Variants in RPTOR observed in about 807,000 individuals in gnomAD.
The protein encoded by RPTOR is regulatory associated protein of MTOR complex 1.
In RPTOR, 21 loss-of-function variants were observed where a neutral mutation model predicts 169.9. The ratio of observed to expected loss-of-function variants is 0.12; its 90% confidence interval spans 0.09 to 0.18. The LOEUF is 0.18. RPTOR is among the 10% of genes least tolerant of loss of function. RPTOR has a pLI of 1.00. For synonymous variants in RPTOR, 732 were observed against 753.2 expected (o/e 0.97, Z 0.46); for missense variants, 1,133 against 1,855.9 (o/e 0.61, Z 7.16).
At chr17:80,670,343 C>T (rs2065812365) in intron 3 of RPTOR, among the ~76,000 whole-genome samples, 1 of 152,208 alleles carries the variant, frequency 6.6e-6, no homozygotes, top group Admixed American at 6.5e-5. Flanking sequence ...TTTCCCACTC[C>T]TTGTTCTAAT....
intron 1 of RPTOR, among the ~76,000 whole-genome samples, chr17:80,610,896 C>T (rs966485683): frequency 6.6e-6 from 1 of 152,234 alleles, no homozygotes; most frequent in African/African-American, 2.4e-5. Flanking sequence ...TATTGTTGCA[C>T]GTCTGCTTTT....
At chr17:80,911,597 A>G (rs1400324896) in intron 21 of RPTOR, among the ~76,000 whole-genome samples, 1 of 152,004 alleles carries the variant, frequency 6.6e-6, no homozygotes, top group Non-Finnish European at 1.5e-5. Flanking sequence ...CCAGCCTGGG[A>G]AACATAGTGA....
At chr17:80,827,013 C>T (rs1324589236) in intron 9 of RPTOR, among the ~76,000 whole-genome samples, 2 of 152,218 alleles carry the variant, frequency 1.3e-5, no homozygotes, top group Admixed American at 6.5e-5. Context: ...GCTCGGCCCG[C>T]GGGAAGGAAG....
chr17:80,833,421 C>G (rs1247303326), intron 9 of RPTOR, among the ~76,000 whole-genome samples: 1 of 152,204 alleles, frequency 6.6e-6, no homozygotes, highest in Non-Finnish European at 1.5e-5. Context: ...GCAGCTTGAT[C>G]GCAGGCTGTG....
chr17:80,639,943 C>A (rs1300948915), intron 2 of RPTOR, among the ~76,000 whole-genome samples: 4 of 152,220 alleles, frequency 2.6e-5, no homozygotes, highest in Admixed American at 2.6e-4. Flanking sequence ...TGGAGCAAGT[C>A]ATTTGACTGC....
chr17:80,681,168 G>T (rs551872480), intron 3 of RPTOR, among the ~76,000 whole-genome samples: 3 of 152,290 alleles, frequency 2.0e-5, no homozygotes, highest in Non-Finnish European at 1.5e-5. Context: ...GCGGAGGCCA[G>T]TTAGTGTCAG....
intron 5 of RPTOR, among the ~76,000 whole-genome samples, chr17:80,743,607 T>A (rs1446492863): frequency 1.3e-5 from 2 of 152,032 alleles, no homozygotes; most frequent in African/African-American, 2.4e-5. Flanking sequence ...AGTAGTAATT[T>A]AAACCCAGAT....
intron 24 of RPTOR, among the ~76,000 whole-genome samples, chr17:80,938,921 A>T (rs1056625364): frequency 6.6e-6 from 1 of 152,230 alleles, no homozygotes; most frequent in Non-Finnish European, 1.5e-5. Context: ...ACGACCGCCT[A>T]AAACTCCACA....
intron 2 of RPTOR, among the ~76,000 whole-genome samples, chr17:80,634,189 T>TGTGTGC (rs2065465715): frequency 1.4e-5 from 2 of 141,548 alleles, no homozygotes; most frequent in African/African-American, 2.6e-5. Flanking sequence ...GTGCGCATAC[T>TGTGTGC]GTGTGTGCAT....
chr17:80,867,485 C>T (rs1037018900), intron 13 of RPTOR, among the ~76,000 whole-genome samples: 1 of 152,130 alleles, frequency 6.6e-6, no homozygotes, highest in Admixed American at 6.5e-5. Flanking sequence ...AAGATGAAGC[C>T]ATCTGTTCTT....
intron 13 of RPTOR, among the ~76,000 whole-genome samples, chr17:80,866,465 G>T (rs139469773): frequency 6.6e-6 from 1 of 152,098 alleles, no homozygotes; most frequent in Non-Finnish European, 1.5e-5. Context: ...AGACTAATAC[G>T]AAAGAAGACA....
At chr17:80,829,202 G>A (rs912386704) in intron 9 of RPTOR, among the ~76,000 whole-genome samples, 1 of 152,152 alleles carries the variant, frequency 6.6e-6, no homozygotes, top group Non-Finnish European at 1.5e-5. Flanking sequence ...CAGAACTAGA[G>A]ACACACAGAA....
chr17:80,592,484 G>A (rs1434359767), intron 1 of RPTOR, among the ~76,000 whole-genome samples: 1 of 152,148 alleles, frequency 6.6e-6, no homozygotes, highest in Non-Finnish European at 1.5e-5. Flanking sequence ...TTCTGGATTT[G>A]TGTGCATCTG....
rs1308027638 is a variant in RPTOR at position 80,721,594 on chromosome 17, TG to T, written c.508-8963del. Among the ~76,000 whole-genome samples, 3 of 151,328 alleles carry T rather than the reference TG, an allele frequency of 2.0e-5. No individual in the cohort carries two copies. The highest frequency in any genetic ancestry group is 4.4e-5 in the Non-Finnish European group (3 of 68,030). ...GGGCTCTTACCTCAGTCGGTGGGGC[TG>T]GGCAGCTGGGTGTCTCCAGCCCATC... On this transcript the variant is annotated intron_variant, in intron 4 of 33. Transcript: ENST00000306801. This position sits in a 1 kb window ranked among gnomAD's most constrained non-coding sequence, Gnocchi z 4.7.
chr17:80,684,421 T>C (rs2065920679), intron 3 of RPTOR, among the ~76,000 whole-genome samples: 1 of 108,734 alleles, frequency 9.2e-6, no homozygotes, highest in African/African-American at 3.1e-5. Flanking sequence ...TATTTATTTA[T>C]TTATTTATTT....
chr17:80,574,827 ATTTTT>A (rs555426915), intron 1 of RPTOR, among the ~76,000 whole-genome samples: 1 of 121,432 alleles, frequency 8.2e-6, no homozygotes, highest in African/African-American at 3.1e-5. Flanking sequence ...AGCTTATTTA[ATTTTT>A]TTTTTTTTTT....
At chr17:80,637,781 GT>G (rs1567833177) in intron 2 of RPTOR, among the ~76,000 whole-genome samples, 2 of 152,260 alleles carry the variant, frequency 1.3e-5, no homozygotes, top group African/African-American at 4.8e-5. Context: ...CCAAGGGAAC[GT>G]TTGGGAGGTC....
intron 24 of RPTOR, among the ~76,000 whole-genome samples, chr17:80,925,801 G>A (rs533803705): frequency 7.9e-5 from 12 of 152,340 alleles, no homozygotes; most frequent in African/African-American, 2.4e-4. Context: ...CCACGCTTGC[G>A]TGGCTCCGAG....
intron 4 of RPTOR, among the ~76,000 whole-genome samples, chr17:80,710,026 G>T (rs2066174307): frequency 6.6e-6 from 1 of 151,516 alleles, no homozygotes; most frequent in Non-Finnish European, 1.5e-5. Context: ...ACCCAGGCTG[G>T]AGTACAGTGG....
Sources: gnomAD v4.1 joint callset for allele counts (sites outside exome capture counted in the v4.1 genomes callset) on GRCh38, gnomAD v4.1.1 for gene constraint, Gnocchi (gnomAD v3.1) non-coding constraint, MANE v1.5 for transcripts, NCBI Gene and HGNC (gene_info 2026-07-23, HGNC 2026-07-21) for gene names.